Variants in HECTD3 observed in about 807,000 individuals in gnomAD.
HECTD3 encodes the protein E3 ubiquitin-protein ligase HECTD3.
HECTD3 carries 72 observed loss-of-function variants against 109.3 expected under a neutral mutation model. That is an observed-to-expected ratio of 0.66 (90% confidence interval 0.54 to 0.80). The LOEUF (loss-of-function observed/expected upper bound fraction) is 0.80. HECTD3 is among the 30% of genes least tolerant of loss of function. The pLI is 0.00. For missense variants in HECTD3, 1,041 were observed against 1,165.2 expected (o/e 0.89, Z 1.55); for synonymous variants, 481 against 471.8 (o/e 1.02, Z -0.25).
At chr1:45,007,052 G>T (rs1644741782) in intron 11 of HECTD3, 37 bp from the exon 12 acceptor site, 3 of 1,610,168 alleles carry the variant, frequency 1.9e-6, no homozygotes. Context: ...ATTATGTGGG[G>T]CCAGGTGCAG....
At chr1:45,009,949 A>T (rs766638625) in intron 4 of HECTD3, 37 bp downstream of exon 4, 6 of 1,517,484 alleles carry the variant, frequency 4.0e-6, no homozygotes, top group Non-Finnish European at 5.3e-6. Context: ...GGGTGTGACT[A>T]TATCTTGCCT....
Position 45,002,660 on chromosome 1 carries a change from G to C in HECTD3, c.*832C>G, listed in dbSNP as rs1012670746. 2.6e-5 allele frequency: 4 copies of C among 152,286 alleles called. No individual in the cohort carries two copies. Among genetic ancestry groups the C allele is most frequent in the Admixed American group, 6.5e-5 (1 of 15,282 alleles). 9.4% of individuals were successfully genotyped at this position (152,286 alleles called of 1,614,324 possible). On this transcript the variant is annotated 3_prime_UTR_variant, in exon 21 of 21. Coordinates refer to ENST00000372172, the MANE Select transcript of HECTD3 (RefSeq NM_024602.6). ...TGGGGCAGGGGTGTGCATAGCTCTA[G>C]GAACAGGTTTAAGGTCTAGGCTTTA...
rs1644772413 is a variant in HECTD3 at position 45,010,188 on chromosome 1, C to T, written c.623+13G>A. The T allele has an allele frequency of 1.2e-5, 19 of 1,613,998 alleles. No individual in the cohort carries two copies. Among genetic ancestry groups the T allele is most frequent in the Non-Finnish European group, 1.5e-5 (18 of 1,179,996 alleles). ...AGAGCTCCTTCCTCCCCACCCCATTCCAGCTCACTCACAGTAGCCTTTGTA... is the reference window on the plus strand; with the variant it reads ...AGAGCTCCTTCCTCCCCACCCCATTTCAGCTCACTCACAGTAGCCTTTGTA... On this transcript the variant is annotated intron_variant, in intron 3 of 20. Transcript: ENST00000372172.
intron 3 of HECTD3, 32 bp from the exon 4 acceptor site, chr1:45,010,153 G>A (rs896661222): frequency 6.2e-7 from 1 of 1,613,700 alleles, no homozygotes; most frequent in Non-Finnish European, 8.5e-7. Context: ...ATTAGACTGG[G>A]CCCAGACGCA....
In HECTD3 at chr1:45,008,336, T is replaced by C. The variant is rs7541207; in HGVS notation, c.1239-15A>G. The C allele has an allele frequency of 0.25, 409,341 of 1,607,714 alleles. 53,681 individuals carry two copies. Among genetic ancestry groups the C allele is most frequent in the Admixed American group, 0.37 (22,152 of 59,962 alleles). ...TCTTGATGAATCTGGCATGGGTAGA[T>C]AGACTGCAGCTAAAGAGTTTAGCAT... On this transcript the variant is annotated splice_polypyrimidine_tract_variant and intron_variant, in intron 8 of 20. Transcript: ENST00000372172.
At position 45,009,514 on chromosome 1, in the gene HECTD3, G is replaced by A. The variant is rs371531247; in HGVS notation, c.876-32C>T. 235 of 1,607,188 alleles carry A rather than the reference G, an allele frequency of 1.5e-4. No individual in the cohort carries two copies. The African/African-American group carries it at 2.8e-3, about 19-fold the overall frequency. On this transcript the variant is annotated intron_variant, in intron 5 of 20. Transcript: ENST00000372172. Reference sequence around the variant, plus strand: ...GGTCAGAGTGTGAATATGAGTCTTTGTGAACCCACAGGGACATAGCCCACC... The same window carrying A: ...GGTCAGAGTGTGAATATGAGTCTTTATGAACCCACAGGGACATAGCCCACC...
intron 1 of HECTD3, 28 bp from the exon 2 acceptor site, chr1:45,010,734 C>A (rs772709645): frequency 3.3e-6 from 5 of 1,526,618 alleles, no homozygotes; most frequent in Admixed American, 2.0e-5. Context: ...ATGGGGACAG[C>A]CGTCAGGGAA....
intron 1 of HECTD3, 56 bp from the exon 2 acceptor site, chr1:45,010,762 G>A (rs1335269411): frequency 1.3e-6 from 2 of 1,522,542 alleles, no homozygotes; most frequent in East Asian, 2.3e-5. Flanking sequence ...GCCGCCTGTC[G>A]TGCCCAGCCC....
At chr1:45,005,223 A>C (rs1283162351) in intron 15 of HECTD3, 1 of 271,520 alleles carries the variant, frequency 3.7e-6, no homozygotes, top group East Asian at 9.0e-5. Flanking sequence ...CGAGCCATCA[A>C]TGAGTTTAAA....
At position 45,009,169 on chromosome 1, in the gene HECTD3, G is replaced by A. The variant is rs1359264672; in HGVS notation, c.1047C>T (p.Ile349=). 6.8e-6 allele frequency: 11 copies of A among 1,613,928 alleles called. No homozygotes were observed. Among genetic ancestry groups the A allele is most frequent in the South Asian group, 1.1e-5 (1 of 91,088 alleles). The change falls in exon 7 of 21, where the codon ATC becomes ATT. Residue 349 remains isoleucine (I), a synonymous_variant. Transcript: ENST00000372172. ...CTCGGCACTCCACGATGCGGATCTC[G>A]ATGATCGGGAGGTGGACGGTCATGT... ...LEDMTVHLPI[I]EIRIVECRDD...
intron 8 of HECTD3, 58 bp from the exon 9 acceptor site, chr1:45,008,379 C>T: frequency 6.6e-7 from 1 of 1,520,172 alleles, no homozygotes; most frequent in Non-Finnish European, 9.1e-7. Context: ...ACACCCCCAA[C>T]TCCCCAACAT....
chr1:45,004,200 C>T, intron 17 of HECTD3, 48 bp downstream of exon 17: 1 of 1,613,340 alleles, frequency 6.2e-7, no homozygotes, highest in Non-Finnish European at 8.5e-7. Flanking sequence ...GCCCCAACCC[C>T]TGTGCTGTGC....
chr1:45,007,526 C>CA lies in HECTD3; in HGVS notation c.1389dup (p.Glu464Ter), dbSNP rs1416019999. 2 of 1,613,994 alleles carry CA rather than the reference C, an allele frequency of 1.2e-6. No individual in the cohort carries two copies. The highest frequency in any genetic ancestry group is 1.7e-5 in the Admixed American group (1 of 60,024). On this transcript the variant is annotated frameshift_variant, in exon 10 of 21. Coordinates refer to ENST00000372172, the MANE Select transcript of HECTD3 (RefSeq NM_024602.6). LOFTEE classifies it high-confidence loss of function. ...GGCATGAAGCTGGGCTTGCTGCTCT[C>CA]AGAGTCACGCAGGCACTGAGCCACC...
chr1:45,003,683 C>T lies in HECTD3; in HGVS notation c.2487G>A (p.Leu829=). Residue 829 remains leucine, a synonymous_variant, in exon 20 of 21, where the codon CTG becomes CTA. Coordinates refer to ENST00000372172, the MANE Select transcript of HECTD3 (RefSeq NM_024602.6). This position sits in a 1 kb window ranked among gnomAD's most constrained non-coding sequence, Gnocchi z 4.7. ...ESSTCSSTLF[L]PHYASAKVCE... is the part of the protein sequence containing the mutation. ...AAAAAACCCACCTGGCATAGTGTGG[C>T]AGGAAGAGGGTGCTGGAGCAAGTGG... is the stretch of plus-strand genomic sequence containing the variant. 6.2e-7 allele frequency: 1 copy of T among 1,614,116 alleles called. No homozygotes were observed.
Position 45,004,693 on chromosome 1 carries a change from G to T in HECTD3, c.2049C>A (p.Ile683=). Residue 683 remains isoleucine (I), a synonymous_variant, in exon 16 of 21, where the codon ATC becomes ATA. Coordinates refer to ENST00000372172, the MANE Select transcript of HECTD3 (RefSeq NM_024602.6). ...VLSDQQVVEL[I]PGGAGIVVGY... is the part of the protein sequence containing the mutation. ...CCACGACGATGCCTGCACCCCCAGG[G>T]ATCAGCTCCACCACCTGTTGGTCAC... The T allele has an allele frequency of 1.2e-6, 2 of 1,614,184 alleles. No homozygotes were observed. Among genetic ancestry groups the T allele is most frequent in the East Asian group, 2.2e-5 (1 of 44,890 alleles).
At position 45,008,339 on chromosome 1, in the gene HECTD3, A is replaced by C; in HGVS notation, c.1239-18T>G. 6.2e-7 allele frequency: 1 copy of C among 1,604,640 alleles called. No homozygotes were observed. Among genetic ancestry groups the C allele is most frequent in the Middle Eastern group, 1.7e-4 (1 of 6,042 alleles). ...TGATGAATCTGGCATGGGTAGATAG[A>C]CTGCAGCTAAAGAGTTTAGCATACC... is the stretch of plus-strand genomic sequence containing the variant. On this transcript the variant is annotated intron_variant, in intron 8 of 20. Coordinates refer to ENST00000372172, the MANE Select transcript of HECTD3 (RefSeq NM_024602.6).
At chr1:45,008,808 C>A in intron 7 of HECTD3, 107 bp from the exon 8 acceptor site, 1 of 1,071,806 alleles carries the variant, frequency 9.3e-7, no homozygotes, top group East Asian at 2.4e-5. Flanking sequence ...ACCGTTAGCC[C>A]CTAGAAACTC....
Position 45,006,466 on chromosome 1 carries a change from C to T in HECTD3, c.1725+226G>A, listed in dbSNP as rs146852361. Among the ~76,000 whole-genome samples, 649 of 152,138 alleles carry T rather than the reference C, an allele frequency of 4.3e-3. 5 individuals are homozygous for T. Among genetic ancestry groups the T allele is most frequent in the African/African-American group, 0.015 (618 of 41,482 alleles). On this transcript the variant is annotated intron_variant, in intron 13 of 20. Transcript: ENST00000372172. The surrounding 1 kb of genome is among the most constrained non-coding windows in gnomAD (Gnocchi z 4.7). ...GACTACAGGCGCGTGCCACCACGCC[C>T]GGCTAATTTTTTATTTTTATAGAGA...
In HECTD3 at chr1:45,010,249, G is replaced by A. The variant is rs974477458; in HGVS notation, c.575C>T (p.Ser192Leu). 1.9e-6 allele frequency: 3 copies of A among 1,613,810 alleles called. No homozygotes were observed. The highest frequency in any genetic ancestry group is 2.7e-5 in the African/African-American group (2 of 74,866). The change falls in exon 3 of 21, where the codon TCG becomes TTG. Residue 192 changes from serine to leucine, a missense_variant. Physicochemically the swap from Ser to Leu is moderately radical, Grantham distance 145. Transcript: ENST00000372172. Reference sequence around the variant, plus strand: ...GTATGCCTCTGCCGGCTGAGGTCTCGATCCCAGGCGATGTGAGTATGTCAG... The same window carrying A: ...GTATGCCTCTGCCGGCTGAGGTCTCAATCCCAGGCGATGTGAGTATGTCAG... ...VDLTYSHRLG[S>L]RPQPAEAYAE...
Sources: gnomAD v4.1 joint callset for allele counts (sites outside exome capture counted in the v4.1 genomes callset) on GRCh38, gnomAD v4.1.1 for gene constraint, Gnocchi (gnomAD v3.1) non-coding constraint, MANE v1.5 for transcripts, NCBI Gene and HGNC (gene_info 2026-07-23, HGNC 2026-07-21) for gene names.